Variants in CHST9 observed in about 807,000 individuals in gnomAD.
CHST9 encodes carbohydrate sulfotransferase 9.
A neutral mutation model predicts 44.4 loss-of-function variants in CHST9; 41 were observed. The observed-to-expected ratio is 0.92, with a 90% CI of 0.72 to 1.20. The LOEUF is 1.20. Among genes scored for constraint, CHST9 ranks in the 50% most tolerant of loss-of-function variants. The pLI is 0.00. For missense variants in CHST9, 504 were observed against 516.5 expected, an observed-to-expected ratio of 0.98 and a Z score of 0.23; for synonymous variants, 171 against 178.4, an observed-to-expected ratio of 0.96 and a Z score of 0.33.
intron 2 of CHST9, among the ~76,000 whole-genome samples, chr18:27,055,199 G>A (rs888311013): frequency 6.6e-6 from 1 of 152,108 alleles, no homozygotes; most frequent in Non-Finnish European, 1.5e-5. Flanking sequence ...ATAGAATCAT[G>A]ACAATGAAAA....
intron 2 of CHST9, among the ~76,000 whole-genome samples, chr18:27,057,397 G>A (rs1334468781): frequency 6.6e-6 from 1 of 152,182 alleles, no homozygotes; most frequent in African/African-American, 2.4e-5. Flanking sequence ...TGGTATAAAA[G>A]AATGAGGAGT....
chr18:27,064,792 A>G (rs1484508567), intron 2 of CHST9, among the ~76,000 whole-genome samples: 1 of 152,138 alleles, frequency 6.6e-6, no homozygotes, highest in Non-Finnish European at 1.5e-5. Flanking sequence ...TTCTTGGTAC[A>G]GGCTTCACCC....
chr18:27,103,719 G>T (rs62082885), intron 2 of CHST9, among the ~76,000 whole-genome samples: 47,840 of 152,052 alleles, frequency 0.31, 8,188 homozygotes, highest in Non-Finnish European at 0.39. Flanking sequence ...AAGCCAAGTG[G>T]CCTTTTGTGG....
At chr18:27,005,682 C>A (rs747095479) in intron 4 of CHST9, among the ~76,000 whole-genome samples, 1 of 152,034 alleles carries the variant, frequency 6.6e-6, no homozygotes, top group African/African-American at 2.4e-5. Context: ...AACTGAGGCA[C>A]AGAGGGGTTA....
intron 1 of CHST9, among the ~76,000 whole-genome samples, chr18:27,184,304 T>C (rs892670719): frequency 1.3e-5 from 2 of 152,164 alleles, no homozygotes; most frequent in African/African-American, 4.8e-5. Flanking sequence ...GAGGAAGGCC[T>C]GCAGCTCTAG....
chr18:27,018,919 A>G (rs374159431), intron 4 of CHST9, among the ~76,000 whole-genome samples: 1 of 152,196 alleles, frequency 6.6e-6, no homozygotes. Flanking sequence ...CTTCGTGACA[A>G]CCACACCCTT....
intron 3 of CHST9, among the ~76,000 whole-genome samples, chr18:27,042,590 A>G (rs574894454): frequency 6.6e-6 from 1 of 152,196 alleles, no homozygotes; most frequent in South Asian, 2.1e-4. Flanking sequence ...ATGGGGCCTA[A>G]AGCAAGTAAT....
chr18:27,076,459 C>A (rs770332663), intron 2 of CHST9, among the ~76,000 whole-genome samples: 1 of 152,170 alleles, frequency 6.6e-6, no homozygotes, highest in Non-Finnish European at 1.5e-5. Flanking sequence ...ATTCTTGGAA[C>A]ACTTTGGTGC....
At chr18:27,165,381 ACT>A (rs1490473089) in intron 1 of CHST9, among the ~76,000 whole-genome samples, 1 of 152,146 alleles carries the variant, frequency 6.6e-6, no homozygotes, top group Non-Finnish European at 1.5e-5. Flanking sequence ...GAAAGCACTG[ACT>A]CTAAACAAAA....
chr18:27,074,230 T>C (rs1350361916), intron 2 of CHST9, among the ~76,000 whole-genome samples: 1 of 152,214 alleles, frequency 6.6e-6, no homozygotes, highest in Admixed American at 6.5e-5. Context: ...TTCAAAACTG[T>C]GATTTATTTT....
chr18:27,060,738 G>A (rs1046253124), intron 2 of CHST9, among the ~76,000 whole-genome samples: 2 of 151,996 alleles, frequency 1.3e-5, no homozygotes, highest in African/African-American at 2.4e-5. Context: ...ACTAATCATC[G>A]TGGTCCCCAT....
At chr18:27,043,241 T>C (rs1035245474) in intron 3 of CHST9, among the ~76,000 whole-genome samples, 2 of 152,026 alleles carry the variant, frequency 1.3e-5, no homozygotes, top group African/African-American at 2.4e-5. Context: ...TTGGAGCTCA[T>C]TCATATCCAG....
At chr18:26,955,265 A>G (rs1221142333) in intron 4 of CHST9, among the ~76,000 whole-genome samples, 1 of 149,430 alleles carries the variant, frequency 6.7e-6, no homozygotes, top group Non-Finnish European at 1.5e-5. Context: ...ATACCATCAT[A>G]GTTCTGTATT....
intron 2 of CHST9, among the ~76,000 whole-genome samples, chr18:27,067,117 C>T (rs572055879): frequency 3.3e-5 from 5 of 152,024 alleles, no homozygotes; most frequent in African/African-American, 9.7e-5. Context: ...TTGCACCACC[C>T]AATCAATATT....
chr18:27,175,572 A>C (rs1045665394), intron 1 of CHST9, among the ~76,000 whole-genome samples: 7 of 152,110 alleles, frequency 4.6e-5, no homozygotes, highest in African/African-American at 1.7e-4. Context: ...GAGAGGTCAC[A>C]AAGAAAAAAG....
intron 2 of CHST9, among the ~76,000 whole-genome samples, chr18:27,096,297 A>T (rs955206888): frequency 6.6e-6 from 1 of 152,036 alleles, no homozygotes; most frequent in African/African-American, 2.4e-5. Flanking sequence ...TGTTAAGAGG[A>T]AAGTTTATAG....
At chr18:26,945,682 G>A (rs1301622414) in intron 4 of CHST9, among the ~76,000 whole-genome samples, 2 of 152,108 alleles carry the variant, frequency 1.3e-5, no homozygotes, top group African/African-American at 2.4e-5. Context: ...GGATATCTTG[G>A]TAGTTTCTAA....
intron 3 of CHST9, among the ~76,000 whole-genome samples, chr18:27,043,740 G>A (rs1226466714): frequency 6.6e-6 from 1 of 151,140 alleles, no homozygotes; most frequent in Non-Finnish European, 1.5e-5. Flanking sequence ...CTCTCTCCTG[G>A]AGAGATTTTT....
intron 4 of CHST9, among the ~76,000 whole-genome samples, chr18:26,996,035 C>T (rs2056884493): frequency 6.6e-6 from 1 of 152,188 alleles, no homozygotes; most frequent in South Asian, 2.1e-4. Flanking sequence ...AGATTCTTTA[C>T]TCGTTGCTTA....
Sources: gnomAD v4.1 joint callset for allele counts (sites outside exome capture counted in the v4.1 genomes callset) on GRCh38, gnomAD v4.1.1 for gene constraint, MANE v1.5 for transcripts, NCBI Gene and HGNC (gene_info 2026-07-23, HGNC 2026-07-21) for gene names.